The following MYT1 variants were observed in gnomAD, a reference collection of about 807,000 sequenced individuals.
MYT1 encodes the protein myelin transcription factor 1.
Under a neutral mutation model 123.0 loss-of-function variants are expected in MYT1, and 23 were observed. That is an observed-to-expected ratio of 0.19 (90% confidence interval 0.13 to 0.26). The LOEUF (loss-of-function observed/expected upper bound fraction) is 0.26. MYT1 is among the 10% of genes least tolerant of loss of function. MYT1 has a pLI of 1.00. For synonymous variants in MYT1, 518 were observed against 575.3 expected (o/e 0.90, Z 1.43); for missense variants, 1,125 against 1,472.5 (o/e 0.76, Z 3.86).
chr20:64,206,115 C>T (rs1983483935), intron 6 of MYT1, among the ~76,000 whole-genome samples: 1 of 152,080 alleles, frequency 6.6e-6, no homozygotes, highest in South Asian at 2.1e-4. Flanking sequence ...ATGAGAGAGA[C>T]AGACAAGGCT....
chr20:64,204,138 C>T (rs1983407330), intron 4 of MYT1, among the ~76,000 whole-genome samples: 1 of 152,222 alleles, frequency 6.6e-6, no homozygotes, highest in African/African-American at 2.4e-5. Flanking sequence ...GAACTCTGGC[C>T]TTACACTCCA....
intron 1 of MYT1, among the ~76,000 whole-genome samples, chr20:64,173,851 CCTG>C (rs200160709): frequency 2.8e-4 from 1 of 3,576 alleles, no homozygotes; most frequent in Non-Finnish European, 4.2e-4. Flanking sequence ...AGCATCTTTC[CCTG>C]TAGTTGTGTC....
intron 1 of MYT1, among the ~76,000 whole-genome samples, chr20:64,173,295 G>A (rs1200386784): frequency 2.0e-5 from 3 of 152,136 alleles, no homozygotes; most frequent in Non-Finnish European, 4.4e-5. Flanking sequence ...GCCCTCGGAG[G>A]CAGCAGTCAC....
At chr20:64,215,392 G>C (rs1404588242) in intron 10 of MYT1, among the ~76,000 whole-genome samples, 1 of 152,202 alleles carries the variant, frequency 6.6e-6, no homozygotes, top group African/African-American at 2.4e-5. Flanking sequence ...GAGAGATTGT[G>C]GCTAGGGTGG....
chr20:64,235,584 G>A (rs563808974), intron 19 of MYT1, among the ~76,000 whole-genome samples: 14 of 127,740 alleles, frequency 1.1e-4, no homozygotes, highest in African/African-American at 2.7e-4. Context: ...TGTGTGACCC[G>A]GGGCTGGCCA....
At position 64,235,955 on chromosome 20, in the gene MYT1, T is replaced by C. The variant is rs372424206; in HGVS notation, c.2898-600T>C. On this transcript the variant is annotated intron_variant, in intron 19 of 22. Coordinates refer to ENST00000328439, the MANE Select transcript of MYT1 (RefSeq NM_004535.3). ...GCGGTGGGTGACCCTGGGCTGGACG[T>C]GGTGGGTGACCCTGGGATGGCCGCG... 4.1e-3 allele frequency among the ~76,000 whole-genome samples: 466 copies of C among 114,362 alleles called. 8 individuals carry two copies. The highest frequency in any genetic ancestry group is 0.013 in the African/African-American group (354 of 27,428). 75.0% of individuals were successfully genotyped at this position (114,362 alleles called of 152,430 possible).
At chr20:64,220,124 G>A (rs1318056756) in intron 13 of MYT1, 142 bp downstream of exon 13, 1 of 1,385,014 alleles carries the variant, frequency 7.2e-7, no homozygotes, top group African/African-American at 1.5e-5. Context: ...TTTTCGTGAA[G>A]GGTCCTTCAT....
At chr20:64,171,080 T>G (rs1982264173) in intron 1 of MYT1, among the ~76,000 whole-genome samples, 1 of 42,198 alleles carries the variant, frequency 2.4e-5, no homozygotes, top group Non-Finnish European at 4.2e-5. Flanking sequence ...TGGCTAATTT[T>G]TGTATTTTTT....
intron 7 of MYT1, among the ~76,000 whole-genome samples, chr20:64,209,399 C>T (rs990886919): frequency 2.0e-5 from 3 of 152,184 alleles, no homozygotes; most frequent in South Asian, 2.1e-4. Context: ...CGGCCTGGTG[C>T]GGAGGGCCTC....
At chr20:64,225,882 C>T (rs1984157233) in intron 16 of MYT1, among the ~76,000 whole-genome samples, 1 of 152,182 alleles carries the variant, frequency 6.6e-6, no homozygotes, top group Non-Finnish European at 1.5e-5. Flanking sequence ...GTACTGCCGG[C>T]CCCTTGGGAG....
chr20:64,170,870 TATATATATATATATAGAGAGAG>T (rs1569303748), intron 1 of MYT1, among the ~76,000 whole-genome samples: 4 of 61,070 alleles, frequency 6.5e-5, no homozygotes, highest in Non-Finnish European at 8.8e-5. Context: ...TATATATATA[TATATATATATATATAGAGAGAG>T]AGAGAGAGAG....
chr20:64,211,971 C>T, intron 8 of MYT1, 77 bp from the exon 9 acceptor site: 1 of 1,248,824 alleles, frequency 8.0e-7, no homozygotes. Flanking sequence ...CCCTCCTCAG[C>T]CTGTGCTCCC....
chr20:64,211,772 G>C (rs1042432339), intron 8 of MYT1, among the ~76,000 whole-genome samples: 1 of 152,210 alleles, frequency 6.6e-6, no homozygotes, highest in Non-Finnish European at 1.5e-5. Context: ...AGAATGAGAG[G>C]TTTTAAAGCT....
At position 64,240,515 on chromosome 20, in the gene MYT1, G is replaced by GCACCA. The variant is rs1984689547; in HGVS notation, c.*67_*68insCACCA. 6.6e-7 allele frequency: 1 copy of GCACCA among 1,522,164 alleles called. No homozygotes were observed. Among genetic ancestry groups the GCACCA allele is most frequent in the African/African-American group, 1.4e-5 (1 of 72,316 alleles). 94.3% of individuals were successfully genotyped at this position (1,522,164 alleles called of 1,614,324 possible). A position where few individuals can be genotyped will look rare whatever the true frequency, so the allele number is the denominator to read the frequency against. On this transcript the variant is annotated 3_prime_UTR_variant, in exon 23 of 23. Transcript: ENST00000328439. ...TACCTCCCTCGCCCTGCCCCGCACCGTGGGGATGCCCAACTCACAGTGACT... is the reference window on the plus strand; with the variant it reads ...TACCTCCCTCGCCCTGCCCCGCACCGCACCATGGGGATGCCCAACTCACAGTGACT...
Position 64,167,887 on chromosome 20 carries a change from C to G in MYT1, c.-99+3148C>G, listed in dbSNP as rs1318471877. ...GAAAATGGTCTTTGGGAACCAGCATCATTAGATTAGTCAGACCGAGAAACG... is the reference window on the plus strand; with the variant it reads ...GAAAATGGTCTTTGGGAACCAGCATGATTAGATTAGTCAGACCGAGAAACG... On this transcript the variant is annotated intron_variant, in intron 1 of 22. Coordinates refer to ENST00000328439, the MANE Select transcript of MYT1 (RefSeq NM_004535.3). The surrounding 1 kb of genome is among the most constrained non-coding windows in gnomAD (Gnocchi z 6.3). Among the ~76,000 whole-genome samples, 1 of 152,232 alleles carries G rather than the reference C, an allele frequency of 6.6e-6. No homozygotes were observed. Among genetic ancestry groups the G allele is most frequent in the Non-Finnish European group, 1.5e-5 (1 of 68,046 alleles).
intron 16 of MYT1, 24 bp downstream of exon 16, chr20:64,223,383 C>T: frequency 6.2e-7 from 1 of 1,613,486 alleles, no homozygotes; most frequent in Non-Finnish European, 8.5e-7. Context: ...CCCTGACCTC[C>T]TGTCTCTTGG....
At position 64,221,913 on chromosome 20, in the gene MYT1, T is replaced by A; in HGVS notation, c.2262T>A (p.Ser754=). ...EPEESEPAAH[S]FASSEADDQE... is the part of the protein sequence containing the mutation. ...TGCAGTCAGAGCCAGCAGCCCATTC[T>A]TTTGCTTCTTCTGAAGCAGATGACC... Residue 754 remains serine, a synonymous_variant, in exon 14 of 23, where the codon TCT becomes TCA. Transcript: ENST00000328439. 1 of 1,613,530 alleles carries A rather than the reference T, an allele frequency of 6.2e-7. No individual in the cohort carries two copies. The highest frequency in any genetic ancestry group is 1.8e-4 in the Middle Eastern group (1 of 5,544).
chr20:64,238,866 C>G (rs1420229722), intron 21 of MYT1, among the ~76,000 whole-genome samples: 2 of 152,258 alleles, frequency 1.3e-5, no homozygotes. Flanking sequence ...CCCTGTCCAT[C>G]TGAGGGAGTT....
chr20:64,233,974 G>A (rs886865231), intron 19 of MYT1, among the ~76,000 whole-genome samples: 1 of 152,228 alleles, frequency 6.6e-6, no homozygotes, highest in Non-Finnish European at 1.5e-5. Flanking sequence ...TGAGGGCCCT[G>A]GCAGAAGGCA....
Sources: allele counts gnomAD v4.1 joint callset (sites outside exome capture counted in the v4.1 genomes callset), GRCh38; gene constraint gnomAD v4.1.1; non-coding constraint Gnocchi (gnomAD v3.1); transcripts MANE v1.5; gene names NCBI Gene and HGNC (gene_info 2026-07-23, HGNC 2026-07-21).